Variants in DNAH8 observed in about 807,000 individuals in gnomAD.
The protein encoded by DNAH8 is axonemal beta dynein heavy chain 8.
DNAH8 carries 382 observed loss-of-function variants against 562.1 expected under a neutral mutation model. That is an observed-to-expected ratio of 0.68 (90% CI 0.63 to 0.74). The LOEUF (loss-of-function observed/expected upper bound fraction) is 0.74, where lower values mean the gene tolerates loss of function less well. Among genes scored for constraint, DNAH8 ranks in the 30% least tolerant of loss-of-function variants. The pLI, the probability that DNAH8 is intolerant of heterozygous loss-of-function variation, is 0.00. For missense variants in DNAH8, 5,203 were observed against 5,620.4 expected, an observed-to-expected ratio of 0.93 and a Z score of 2.37; for synonymous variants, 1,881 against 1,919.4, an observed-to-expected ratio of 0.98 and a Z score of 0.52.
chr6:38,790,321 G>A lies in DNAH8; in HGVS notation c.2697G>A (p.Val899=). 1.9e-6 allele frequency: 3 copies of A among 1,608,926 alleles called. No individual in the cohort carries two copies. Among genetic ancestry groups the A allele is most frequent in the Middle Eastern group, 1.7e-4 (1 of 6,040 alleles). The change falls in exon 20 of 93, where the codon GTG becomes GTA. Residue 899 remains valine, a synonymous_variant. Transcript: ENST00000327475. ...CTGTGTTGAGGCAAGGACTCACAGT[G>A]TTAACATGGTCGTCTTTAACACTGG... is the stretch of plus-strand genomic sequence containing the variant. ...VESVLRQGLT[V]LTWSSLTLES...
intron 8 of DNAH8, among the ~76,000 whole-genome samples, chr6:38,748,632 T>C (rs1312383789): frequency 6.6e-6 from 1 of 151,996 alleles, no homozygotes; most frequent in Non-Finnish European, 1.5e-5. Context: ...CTCACGCCTG[T>C]AATCCCAGCA....
rs373152110 is a variant in DNAH8, at chr6:38,875,651, G to A, written c.7681G>A (p.Glu2561Lys). The A allele has an allele frequency of 5.0e-6, 8 of 1,613,476 alleles. No individual in the cohort carries two copies. The African/African-American group carries it at 5.3e-5, about 11-fold the overall frequency. ...SKEEGGVSCVEHLHKLFVFGL... is the reference protein window; with the variant it reads ...SKEEGGVSCVKHLHKLFVFGL... ...AGAAGAAGGCGGTGTTTCCTGTGTC[G>A]AACATCTTCATAAATTATTTGTGTT... is the stretch of plus-strand genomic sequence containing the variant. The change falls in exon 53 of 93, where the codon GAA becomes AAA. Residue 2561 changes from glutamate (E) to lysine (K), a missense_variant. By Grantham distance (56) the Glu-to-Lys change is moderately conservative (BLOSUM62 1). Transcript: ENST00000327475.
At chr6:38,741,532 G>A (rs891378010) in intron 7 of DNAH8, among the ~76,000 whole-genome samples, 179 bp from the exon 8 acceptor site, 2 of 151,478 alleles carry the variant, frequency 1.3e-5, no homozygotes, top group Admixed American at 6.6e-5. Context: ...GAGAATTTTA[G>A]TAGATAGTAT....
At chr6:38,764,306 T>C (rs1238324154) in intron 11 of DNAH8, 1 of 153,624 alleles carries the variant, frequency 6.5e-6, no homozygotes, top group African/African-American at 2.4e-5. Flanking sequence ...AGAGGAGCAT[T>C]GGTCTGCAGT....
chr6:38,828,041 C>A, intron 29 of DNAH8, 143 bp from the exon 30 acceptor site: 1 of 605,538 alleles, frequency 1.7e-6, no homozygotes. Flanking sequence ...AGGTGCTTTT[C>A]ATACACTTTT....
At chr6:38,831,206 C>T (rs1439663885) in intron 30 of DNAH8, among the ~76,000 whole-genome samples, 1 of 152,098 alleles carries the variant, frequency 6.6e-6, no homozygotes, top group Non-Finnish European at 1.5e-5. Context: ...GGGTGGATCA[C>T]TTGAGCCCAG....
rs187388201 is a variant in DNAH8, at chr6:38,980,601, C to G, written c.12835-1745C>G. The stretch of plus-strand genomic sequence containing the variant: ...CCTGGGAGAAGGGGTCTGGTCAGTT[C>G]TTTTTGGGTTGGCTGTCTACCTTGG... On this transcript the variant is annotated intron_variant, in intron 85 of 92. Transcript: ENST00000327475. 2.0e-3 allele frequency among the ~76,000 whole-genome samples: 297 copies of G among 152,266 alleles called. 1 individual carries two copies. The highest frequency in any genetic ancestry group is 6.4e-3 in the African/African-American group (264 of 41,538).
intron 82 of DNAH8, among the ~76,000 whole-genome samples, chr6:38,958,016 T>G (rs1294107256): frequency 2.7e-5 from 4 of 145,964 alleles, no homozygotes; most frequent in African/African-American, 7.4e-5. Context: ...TTTTGTTTTG[T>G]TTTTTTTTAT....
intron 82 of DNAH8, among the ~76,000 whole-genome samples, chr6:38,955,673 A>C (rs941227074): frequency 6.6e-6 from 1 of 152,140 alleles, no homozygotes; most frequent in African/African-American, 2.4e-5. Flanking sequence ...TAACTAAATC[A>C]CAAGCAAGAT....
At chr6:38,905,816 G>C (rs1780416186) in intron 62 of DNAH8, among the ~76,000 whole-genome samples, 1 of 152,060 alleles carries the variant, frequency 6.6e-6, no homozygotes, top group Non-Finnish European at 1.5e-5. Context: ...AGTATCTATT[G>C]GAGCAGGTAC....
intron 9 of DNAH8, among the ~76,000 whole-genome samples, chr6:38,754,208 A>T (rs756114018): frequency 7.2e-5 from 11 of 152,166 alleles, no homozygotes; most frequent in Non-Finnish European, 1.6e-4. Context: ...TCAAGGAGCT[A>T]CTATTGTAAA....
At chr6:39,004,979 A>AC (rs1205409259) in intron 88 of DNAH8, among the ~76,000 whole-genome samples, 1 of 152,204 alleles carries the variant, frequency 6.6e-6, no homozygotes, top group African/African-American at 2.4e-5. Flanking sequence ...ACTGCTATGA[A>AC]CATTCATGTG....
At chr6:39,001,345 A>G (rs1765467663) in intron 88 of DNAH8, among the ~76,000 whole-genome samples, 1 of 152,014 alleles carries the variant, frequency 6.6e-6, no homozygotes, top group African/African-American at 2.4e-5. Context: ...GAAGATAAAC[A>G]AGCATGTCAT....
At chr6:38,788,042 C>T (rs961242613) in intron 18 of DNAH8, among the ~76,000 whole-genome samples, 2 of 152,010 alleles carry the variant, frequency 1.3e-5, no homozygotes. Context: ...GATAACTATA[C>T]AGACATTAAT....
chr6:38,823,066 G>T, intron 27 of DNAH8, 32 bp downstream of exon 27: 1 of 1,527,152 alleles, frequency 6.5e-7, no homozygotes, highest in Non-Finnish European at 8.8e-7. Flanking sequence ...TGTTGTTTGG[G>T]TTTTGTTTGT....
In DNAH8 at chr6:39,026,684, A is replaced by T. The variant is rs1310704086; in HGVS notation, c.13836+17A>T. The T allele has an allele frequency of 1.9e-6, 3 of 1,611,596 alleles. No homozygotes were observed. Among genetic ancestry groups the T allele is most frequent in the Non-Finnish European group, 2.5e-6 (3 of 1,179,488 alleles). On this transcript the variant is annotated intron_variant, in intron 92 of 92. Coordinates refer to ENST00000327475, the MANE Select transcript of DNAH8 (RefSeq NM_001206927.2). ...CCCCCTGGGGTAGGCGTTGCTGGGCAATAGCAGGGACCATTCTGGAGCCAG... is the reference window on the plus strand; with the variant it reads ...CCCCCTGGGGTAGGCGTTGCTGGGCTATAGCAGGGACCATTCTGGAGCCAG...
At chr6:38,896,941 A>G (rs1338814981) in intron 60 of DNAH8, among the ~76,000 whole-genome samples, 1 of 152,036 alleles carries the variant, frequency 6.6e-6, no homozygotes, top group African/African-American at 2.4e-5. Context: ...GCCCCCCACC[A>G]TGCCTGGCTA....
intron 58 of DNAH8, among the ~76,000 whole-genome samples, chr6:38,892,967 C>A (rs1469407094): frequency 6.6e-6 from 1 of 152,180 alleles, no homozygotes. Context: ...TTGTCCCTAT[C>A]CTAGTCATTA....
At chr6:38,867,603 A>G (rs911957719) in intron 47 of DNAH8, among the ~76,000 whole-genome samples, 1 of 150,908 alleles carries the variant, frequency 6.6e-6, no homozygotes, top group Non-Finnish European at 1.5e-5. Flanking sequence ...AAAAAAAAAA[A>G]TTAGCCAGGC....
Sources: allele counts gnomAD v4.1 joint callset (sites outside exome capture counted in the v4.1 genomes callset), GRCh38; gene constraint gnomAD v4.1.1; transcripts MANE v1.5; gene names NCBI Gene and HGNC (gene_info 2026-07-23, HGNC 2026-07-21).